The following HECTD2 variants were observed in gnomAD, a reference collection of about 807,000 sequenced individuals.
HECTD2 encodes probable E3 ubiquitin-protein ligase HECTD2.
HECTD2 carries 35 observed loss-of-function variants against 103.2 expected under a neutral mutation model. That is an observed-to-expected ratio of 0.34 (90% CI 0.26 to 0.45). The LOEUF is 0.45. HECTD2 is among the 20% of genes least tolerant of loss of function. The probability of loss-of-function intolerance (pLI) is 1.00; values close to 1 mark genes in which losing one functional copy is unlikely to be tolerated. For missense variants in HECTD2, 596 were observed against 937.4 expected, an observed-to-expected ratio of 0.64 and a Z score of 4.76; for synonymous variants, 281 against 329.9, an observed-to-expected ratio of 0.85 and a Z score of 1.61.
intron 1 of HECTD2, among the ~76,000 whole-genome samples, chr10:91,412,837 G>C (rs1443948840): frequency 6.6e-6 from 1 of 152,036 alleles, no homozygotes; most frequent in Non-Finnish European, 1.5e-5. Flanking sequence ...GACTTTTACA[G>C]CAGCTAGGAA....
chr10:91,501,843 T>G (rs1202355872), intron 20 of HECTD2, among the ~76,000 whole-genome samples: 1 of 151,980 alleles, frequency 6.6e-6, no homozygotes, highest in Non-Finnish European at 1.5e-5. Context: ...TAAATTATTT[T>G]CTAGCAGTGT....
intron 2 of HECTD2, among the ~76,000 whole-genome samples, chr10:91,456,963 T>G (rs934166540): frequency 3.3e-5 from 5 of 151,990 alleles, no homozygotes; most frequent in African/African-American, 1.2e-4. Context: ...CAGAAAAAGG[T>G]AGATTGTCAG....
intron 14 of HECTD2, among the ~76,000 whole-genome samples, chr10:91,494,384 G>C (rs1207975629): frequency 6.6e-6 from 1 of 151,992 alleles, no homozygotes; most frequent in Non-Finnish European, 1.5e-5. Context: ...ATTATAAGCT[G>C]AGAGAATGGT....
intron 20 of HECTD2, among the ~76,000 whole-genome samples, chr10:91,504,047 C>T (rs1013522926): frequency 5.7e-4 from 87 of 152,258 alleles, no homozygotes; most frequent in Non-Finnish European, 1.1e-3. Context: ...GGTACTCCAA[C>T]AGACCTGCAC....
intron 2 of HECTD2, among the ~76,000 whole-genome samples, chr10:91,426,085 C>A (rs1025464773): frequency 1.3e-5 from 2 of 152,004 alleles, no homozygotes; most frequent in Non-Finnish European, 2.9e-5. Context: ...AAGTAAGTTA[C>A]ATCATTATAG....
chr10:91,498,781 A>T, intron 16 of HECTD2, 91 bp from the exon 17 acceptor site: 1 of 731,110 alleles, frequency 1.4e-6, no homozygotes. Flanking sequence ...GGAAGGGGGA[A>T]AAAAACTGTT....
intron 2 of HECTD2, among the ~76,000 whole-genome samples, chr10:91,427,096 C>T (rs1288753041): frequency 2.8e-5 from 4 of 145,396 alleles, no homozygotes; most frequent in East Asian, 2.1e-4. Context: ...TGAGAACATG[C>T]GGTGTTTGGT....
At chr10:91,503,756 G>A (rs182122402) in intron 20 of HECTD2, among the ~76,000 whole-genome samples, 4 of 152,172 alleles carry the variant, frequency 2.6e-5, no homozygotes, top group East Asian at 1.9e-4. Context: ...CAGGAAGCTC[G>A]AACTGGGTGG....
At position 91,430,338 on chromosome 10, in the gene HECTD2, A is replaced by G. The variant is rs545499727; in HGVS notation, c.268+4928A>G. Among the ~76,000 whole-genome samples the G allele has an allele frequency of 3.4e-3, 520 of 152,272 alleles. 3 individuals carry two copies. Among genetic ancestry groups the G allele is most frequent in the South Asian group, 6.9e-3 (33 of 4,816 alleles). ...TTGGAATAGGTGTGGTGTGGTGCTG[A>G]AAAAAATGTCTATTCTGTTGATTTG... On this transcript the variant is annotated intron_variant, in intron 2 of 20. Coordinates refer to ENST00000298068, the MANE Select transcript of HECTD2 (RefSeq NM_182765.6).
intron 20 of HECTD2, among the ~76,000 whole-genome samples, chr10:91,511,694 GA>G (rs1410346428): frequency 1.3e-5 from 2 of 152,120 alleles, no homozygotes; most frequent in Non-Finnish European, 2.9e-5. Context: ...TTGTTCCTAT[GA>G]GAATCTAATA....
chr10:91,487,630 T>C lies in HECTD2; in HGVS notation c.1095-52T>C, dbSNP rs772007424. ...GGTACCTTAGATTCCCTTAGTATAA[T>C]TTTGTTAAAAATACACCATTTTGCT... On this transcript the variant is annotated intron_variant, in intron 10 of 20. Transcript: ENST00000298068. This position sits in a 1 kb window ranked among gnomAD's most constrained non-coding sequence, Gnocchi z 4.1. 8.7e-7 allele frequency: 1 copy of C among 1,147,580 alleles called. No individual in the cohort carries two copies. Among genetic ancestry groups the C allele is most frequent in the East Asian group, 2.4e-5 (1 of 42,482 alleles). 71.1% of individuals were successfully genotyped at this position (1,147,580 alleles called of 1,614,324 possible).
Position 91,484,652 on chromosome 10 carries a change from C to T in HECTD2, c.967C>T (p.Leu323Phe). The T allele has an allele frequency of 1.9e-6, 3 of 1,591,330 alleles. No individual in the cohort carries two copies. Among genetic ancestry groups the T allele is most frequent in the Non-Finnish European group, 2.6e-6 (3 of 1,172,602 alleles). ...IPSAAKVLAL[L>F]NTANNLVHPP... ...ATCAGCCGCTAAAGTGTTGGCTTTACTTAGTAGGTTTTTATTATTCTATCA... is the reference window on the plus strand; with the variant it reads ...ATCAGCCGCTAAAGTGTTGGCTTTATTTAGTAGGTTTTTATTATTCTATCA... Residue 323 changes from leucine (L) to phenylalanine (F), a missense_variant, in exon 9 of 21, where the codon CTT (leucine) becomes TTT (phenylalanine). By Grantham distance (22) the Leu-to-Phe change is conservative (BLOSUM62 0). Transcript: ENST00000298068.
At chr10:91,497,020 C>T (rs1296734497) in intron 15 of HECTD2, among the ~76,000 whole-genome samples, 2 of 150,718 alleles carry the variant, frequency 1.3e-5, no homozygotes, top group Admixed American at 6.6e-5. Context: ...AGTGCAGTGG[C>T]TCCACCTTGG....
At position 91,512,118 on chromosome 10, in the gene HECTD2, T is replaced by C. The variant is rs1344037071; in HGVS notation, c.2211-146T>C. 10 of 790,070 alleles carry C rather than the reference T, an allele frequency of 1.3e-5. No homozygotes were observed. In the East Asian group the frequency reaches 1.8e-4, roughly 14 times the overall value. 48.9% of individuals were successfully genotyped at this position (790,070 alleles called of 1,614,324 possible). Reference sequence around the variant, plus strand: ...TACAAAGTGAGGTACTCAGTAAATATCTGTTCAGTGAAGAAATGGATGAGT... The same window carrying C: ...TACAAAGTGAGGTACTCAGTAAATACCTGTTCAGTGAAGAAATGGATGAGT... On this transcript the variant is annotated intron_variant, in intron 20 of 20. Transcript: ENST00000298068.
At chr10:91,490,627 C>T (rs1417321619) in intron 11 of HECTD2, among the ~76,000 whole-genome samples, 1 of 151,852 alleles carries the variant, frequency 6.6e-6, no homozygotes, top group East Asian at 1.9e-4. Flanking sequence ...CGCGGTGGCT[C>T]ACGCCTGTAA....
At chr10:91,431,144 A>G in intron 2 of HECTD2, among the ~76,000 whole-genome samples, 1 of 151,558 alleles carries the variant, frequency 6.6e-6, no homozygotes, top group Non-Finnish European at 1.5e-5. Context: ...TAGGAAGCTT[A>G]GTTTGGCTGG....
intron 5 of HECTD2, among the ~76,000 whole-genome samples, chr10:91,469,044 C>T (rs75489763): frequency 5.0e-4 from 76 of 151,398 alleles, no homozygotes; most frequent in Non-Finnish European, 7.5e-4. Flanking sequence ...TCCTAAATAG[C>T]TCAGTCAGAC....
chr10:91,483,354 G>GT (rs1028825314), intron 8 of HECTD2, among the ~76,000 whole-genome samples: 6 of 151,770 alleles, frequency 4.0e-5, no homozygotes, highest in African/African-American at 1.5e-4. Flanking sequence ...CCTATTATTG[G>GT]TTTTTTACGT....
chr10:91,498,138 T>C lies in HECTD2; in HGVS notation c.1711T>C (p.Ser571Pro). The change falls in exon 16 of 21, where the codon TCA becomes CCA. Residue 571 changes from serine to proline, a missense_variant. Transcript: ENST00000298068. ...ELAHGLSELLSHEGNVEEDFY... is the reference protein window; with the variant it reads ...ELAHGLSELLPHEGNVEEDFY... The stretch of plus-strand genomic sequence containing the variant: ...GGCCCATGGATTAAGTGAACTCTTA[T>C]CACATGAAGGCAATGTTGAAGAAGA... The C allele has an allele frequency of 6.2e-7, 1 of 1,612,226 alleles. No individual in the cohort carries two copies. Among genetic ancestry groups the C allele is most frequent in the Non-Finnish European group, 8.5e-7 (1 of 1,178,450 alleles).
Sources: allele counts gnomAD v4.1 joint callset (sites outside exome capture counted in the v4.1 genomes callset), GRCh38; gene constraint gnomAD v4.1.1; non-coding constraint Gnocchi (gnomAD v3.1); transcripts MANE v1.5; gene names NCBI Gene and HGNC (gene_info 2026-07-23, HGNC 2026-07-21).